NSD3: variants seen among roughly 807,000 people sequenced by gnomAD.
NSD3 encodes nuclear receptor binding SET domain protein 3, also known as histone-lysine N-methyltransferase NSD3.
In NSD3, 24 loss-of-function variants were observed where a neutral mutation model predicts 160.8. The ratio of observed to expected loss-of-function variants is 0.15; its 90% CI spans 0.11 to 0.21. The LOEUF (loss-of-function observed/expected upper bound fraction) is 0.21. Ranked by LOEUF, NSD3 falls within the 10% of genes least tolerant of loss-of-function variation. The pLI, the probability that NSD3 is intolerant of heterozygous loss-of-function variation, is 1.00. For synonymous variants in NSD3, 520 were observed against 600.0 expected (o/e 0.87, Z 1.95); for missense variants, 1,157 against 1,735.9 (o/e 0.67, Z 5.93).
At chr8:38,338,647 T>G (rs769781040) in intron 2 of NSD3, 40 bp from the exon 3 acceptor site, 2 of 1,497,062 alleles carry the variant, frequency 1.3e-6, no homozygotes, top group African/African-American at 2.8e-5. Context: ...AAAATGGCAT[T>G]AAATAAACAA....
chr8:38,374,943 G>A (rs1811351737), intron 1 of NSD3, among the ~76,000 whole-genome samples: 1 of 152,174 alleles, frequency 6.6e-6, no homozygotes, highest in Non-Finnish European at 1.5e-5. Context: ...GGCGGAGCTT[G>A]CAGTGAGCCG....
At chr8:38,279,743 T>G in intron 20 of NSD3, 62 bp from the exon 21 acceptor site, 1 of 1,552,276 alleles carries the variant, frequency 6.4e-7, no homozygotes, top group East Asian at 2.3e-5. Flanking sequence ...AACATCCAAC[T>G]CAGTCAAGGA....
At chr8:38,373,773 T>C (rs1458013881) in intron 1 of NSD3, among the ~76,000 whole-genome samples, 7 of 151,864 alleles carry the variant, frequency 4.6e-5, no homozygotes, top group Non-Finnish European at 1.0e-4. Flanking sequence ...GGCAACAAAG[T>C]GAGACTCCAT....
chr8:38,376,734 G>C (rs927076873), intron 1 of NSD3, among the ~76,000 whole-genome samples: 2 of 152,176 alleles, frequency 1.3e-5, no homozygotes, highest in African/African-American at 4.8e-5. Flanking sequence ...ACTGCGCCCG[G>C]CCAGGCAGCT....
chr8:38,317,621 C>A lies in NSD3; in HGVS notation c.1855+1274G>T. The A allele has an allele frequency of 8.8e-7, 1 of 1,142,164 alleles. No individual in the cohort carries two copies. The highest frequency in any genetic ancestry group is 1.1e-6 in the Non-Finnish European group (1 of 926,256). The allele number at this position is 1,142,164 out of a possible 1,614,324, so 70.8% of individuals were successfully genotyped here. ...TATACAGTTTGGGCTGTTTGGCAAACCCCTGCAGATGTGCATTAATGATGC... is the reference window on the plus strand; with the variant it reads ...TATACAGTTTGGGCTGTTTGGCAAAACCCTGCAGATGTGCATTAATGATGC... On this transcript the variant is annotated intron_variant, in intron 9 of 23. Coordinates refer to ENST00000317025, the MANE Select transcript of NSD3 (RefSeq NM_023034.2). The surrounding 1 kb of genome is among the most constrained non-coding windows in gnomAD (Gnocchi z 5.3).
rs1207503318 is a variant in NSD3, at chr8:38,274,329, T to C, written c.*1312A>G. 1.3e-5 allele frequency: 2 copies of C among 152,232 alleles called. No homozygotes were observed. Among genetic ancestry groups the C allele is most frequent in the East Asian group, 3.8e-4 (2 of 5,202 alleles). The allele number at this position is 152,232 out of a possible 1,614,324, so 9.4% of individuals were successfully genotyped here. ...TACTCGCATCTATAAGAGTCAAGCA[T>C]CACCATCAACCATTTTTGCTAACAC... On this transcript the variant is annotated 3_prime_UTR_variant, in exon 24 of 24. Coordinates refer to ENST00000317025, the MANE Select transcript of NSD3 (RefSeq NM_023034.2).
intron 4 of NSD3, among the ~76,000 whole-genome samples, chr8:38,332,307 T>C (rs1810080754): frequency 6.6e-6 from 1 of 151,980 alleles, no homozygotes; most frequent in Non-Finnish European, 1.5e-5. Flanking sequence ...TTAATTTCTT[T>C]TTTTCTTTAA....
rs148647285 is a variant in NSD3, at chr8:38,337,098, C to A, written c.910+207G>T. ...CGGAGGTTGCAGTGAGCTGAGATTG[C>A]GCCATTGCACTCCAGCCTGGGCAAC... is the stretch of plus-strand genomic sequence containing the variant. On this transcript the variant is annotated intron_variant, in intron 4 of 23. Transcript: ENST00000317025. 7.4e-3 allele frequency among the ~76,000 whole-genome samples: 1,098 copies of A among 149,276 alleles called. 8 individuals carry two copies. The highest frequency in any genetic ancestry group is 0.026 in the African/African-American group (1,052 of 40,384).
intron 4 of NSD3, among the ~76,000 whole-genome samples, chr8:38,334,313 C>CT (rs1343787493): frequency 1.3e-5 from 2 of 152,172 alleles, no homozygotes; most frequent in African/African-American, 4.8e-5. Flanking sequence ...AAAGTAGTTA[C>CT]TGGCTGCTTA....
intron 1 of NSD3, among the ~76,000 whole-genome samples, chr8:38,361,267 T>C (rs1810953738): frequency 6.6e-6 from 1 of 151,592 alleles, no homozygotes; most frequent in Non-Finnish European, 1.5e-5. Context: ...GTGCTGGGAT[T>C]ACAGTTGTGA....
intron 1 of NSD3, among the ~76,000 whole-genome samples, chr8:38,349,447 G>C (rs1810615670): frequency 6.6e-6 from 1 of 151,336 alleles, no homozygotes; most frequent in Non-Finnish European, 1.5e-5. Context: ...GCCTCCCAAA[G>C]TGCTGAGATT....
intron 2 of NSD3, among the ~76,000 whole-genome samples, chr8:38,339,139 C>CAAA (rs200100394): frequency 1.0e-5 from 1 of 98,420 alleles, no homozygotes; most frequent in Admixed American, 1.1e-4. Context: ...GACTCTGTCT[C>CAAA]AAAAAAAAAA....
chr8:38,297,787 TG>T (rs1809189097), intron 15 of NSD3, among the ~76,000 whole-genome samples: 1 of 152,154 alleles, frequency 6.6e-6, no homozygotes, highest in African/African-American at 2.4e-5. Context: ...GGAGGGAATT[TG>T]TCTATAAATT....
At position 38,326,874 on chromosome 8, in the gene NSD3, AG is replaced by A; in HGVS notation, c.1582-19del. The stretch of plus-strand genomic sequence containing the variant: ...CCAATTCCCTTTAAAATAAGGCAAA[AG>A]AAAAAACAACAAAACAGGTGATTAC... On this transcript the variant is annotated intron_variant, in intron 6 of 23. Coordinates refer to ENST00000317025, the MANE Select transcript of NSD3 (RefSeq NM_023034.2). The A allele has an allele frequency of 6.2e-7, 1 of 1,612,714 alleles. No homozygotes were observed. The highest frequency in any genetic ancestry group is 8.5e-7 in the Non-Finnish European group (1 of 1,179,546).
intron 5 of NSD3, among the ~76,000 whole-genome samples, chr8:38,330,495 A>G (rs2234549): frequency 0.22 from 33,573 of 152,132 alleles, 3,956 homozygotes; most frequent in East Asian, 0.31. Flanking sequence ...TCCAGAGTCA[A>G]TCAGAAGACT....
chr8:38,346,346 GTATA>G (rs1231450759), intron 2 of NSD3, among the ~76,000 whole-genome samples: 2 of 146,382 alleles, frequency 1.4e-5, no homozygotes, highest in South Asian at 2.1e-4. Context: ...CATGTATATA[GTATA>G]TATAGTATAT....
At chr8:38,285,929 C>T (rs900514638) in intron 19 of NSD3, among the ~76,000 whole-genome samples, 1 of 152,130 alleles carries the variant, frequency 6.6e-6, no homozygotes, top group African/African-American at 2.4e-5. Context: ...CTCCCTTTAT[C>T]GCTCTTTCCT....
intron 11 of NSD3, 126 bp from the exon 12 acceptor site, chr8:38,314,899 G>T: frequency 9.7e-7 from 1 of 1,030,834 alleles, no homozygotes; most frequent in Non-Finnish European, 1.4e-6. Flanking sequence ...TCTGGCGGGG[G>T]CCCCAAGAAT....
At position 38,348,144 on chromosome 8, in the gene NSD3, C is replaced by A; in HGVS notation, c.28G>T (p.Gly10Trp). The change falls in exon 2 of 24, where the codon GGG (glycine) becomes TGG (tryptophan). Residue 10 changes from glycine to tryptophan, a missense_variant. This residue lies in a region of NSD3 where 121 missense variants were observed against 177.2 expected (regional missense o/e 0.68). Transcript: ENST00000317025. Reference protein sequence around the residue: MDFSFSFMQGIMGNTIQQPP... With the variant: MDFSFSFMQWIMGNTIQQPP... ...TGCTGAATTGTGTTTCCCATGATCC[C>A]TTGCATGAAAGAGAAAGAGAAATCC... 1 of 1,599,520 alleles carries A rather than the reference C, an allele frequency of 6.3e-7. No homozygotes were observed. Among genetic ancestry groups the A allele is most frequent in the Non-Finnish European group, 8.5e-7 (1 of 1,172,464 alleles).
Sources: allele counts gnomAD v4.1 joint callset (sites outside exome capture counted in the v4.1 genomes callset), GRCh38; gene constraint gnomAD v4.1.1; regional missense constraint gnomAD v4.1.1; non-coding constraint Gnocchi (gnomAD v3.1); transcripts MANE v1.5; gene names NCBI Gene and HGNC (gene_info 2026-07-23, HGNC 2026-07-21).